Variants in ATF7 observed in about 807,000 individuals in gnomAD.
ATF7 encodes the protein activating transcription factor 7.
A neutral mutation model predicts 50.4 loss-of-function variants in ATF7; 10 were observed. The ratio of observed to expected loss-of-function variants is 0.20; its 90% confidence interval spans 0.12 to 0.34. ATF7 has a LOEUF of 0.34. Ranked by LOEUF, ATF7 falls within the 10% of genes least tolerant of loss-of-function variation. The pLI is 1.00. For missense variants in ATF7, 465 were observed against 613.9 expected (o/e 0.76, Z 2.56); for synonymous variants, 201 against 226.4 (o/e 0.89, Z 1.01).
chr12:53,541,376 G>A (rs1939542146), intron 4 of ATF7, among the ~76,000 whole-genome samples: 1 of 152,150 alleles, frequency 6.6e-6, no homozygotes, highest in East Asian at 1.9e-4. Context: ...TATGATTCCA[G>A]AAAATCAGGA....
intron 1 of ATF7, among the ~76,000 whole-genome samples, chr12:53,602,918 G>A (rs1053494804): frequency 4.6e-5 from 7 of 152,194 alleles, no homozygotes; most frequent in Non-Finnish European, 1.0e-4. Context: ...AAAACTTAGA[G>A]CATGTCTGGA....
chr12:53,625,064 TAC>T (rs1160096879), intron 1 of ATF7, among the ~76,000 whole-genome samples: 1 of 152,110 alleles, frequency 6.6e-6, no homozygotes, highest in African/African-American at 2.4e-5. Context: ...CCCTCAGAGA[TAC>T]TAAAACACCC....
intron 9 of ATF7, among the ~76,000 whole-genome samples, chr12:53,528,922 A>G (rs1288118111): frequency 6.6e-6 from 1 of 151,868 alleles, no homozygotes; most frequent in Non-Finnish European, 1.5e-5. Context: ...AAGAACGACA[A>G]GGAAAGGAAT....
At chr12:53,507,981 C>T (rs894125545), downstream of ATF7, 3 of 154,004 alleles carry the variant, frequency 1.9e-5, no homozygotes, top group African/African-American at 7.2e-5. Flanking sequence ...CAGGGCAACA[C>T]AGCCCATCCT....
Position 53,585,552 on chromosome 12 carries a change from A to T in ATF7, c.48+15401T>A, listed in dbSNP as rs536120418. 1.4e-4 allele frequency among the ~76,000 whole-genome samples: 21 copies of T among 152,338 alleles called. No individual in the cohort carries two copies. In the South Asian group the frequency reaches 4.4e-3, roughly 32 times the overall value. ...AAAAAAAAGCAAAGGAAGAGCATAA[A>T]TGAAAAAAGAAAAGACTGAAAACCA... On this transcript the variant is annotated intron_variant, in intron 2 of 11. Transcript: ENST00000420353.
At chr12:53,544,579 T>C (rs1939770679) in intron 3 of ATF7, among the ~76,000 whole-genome samples, 1 of 152,022 alleles carries the variant, frequency 6.6e-6, no homozygotes, top group African/African-American at 2.4e-5. Context: ...AAACTCCATC[T>C]CTACAAAAAA....
chr12:53,547,571 C>T (rs1940025042), intron 3 of ATF7, among the ~76,000 whole-genome samples: 1 of 151,796 alleles, frequency 6.6e-6, no homozygotes, highest in South Asian at 2.1e-4. Context: ...TAGGTGTGAG[C>T]CACCACACTT....
chr12:53,591,229 C>A (rs977635247), intron 2 of ATF7, among the ~76,000 whole-genome samples: 7 of 151,834 alleles, frequency 4.6e-5, no homozygotes, highest in African/African-American at 1.7e-4. Flanking sequence ...GAAACACTGG[C>A]GAATAATCCC....
chr12:53,520,158 C>T (rs1938025743), intron 11 of ATF7, among the ~76,000 whole-genome samples: 1 of 152,194 alleles, frequency 6.6e-6, no homozygotes, highest in South Asian at 2.1e-4. Context: ...TTCTCAGTCT[C>T]TTGTGGGTTC....
intron 1 of ATF7, among the ~76,000 whole-genome samples, chr12:53,622,881 T>C (rs886489223): frequency 6.6e-6 from 1 of 152,134 alleles, no homozygotes; most frequent in Non-Finnish European, 1.5e-5. Context: ...CTGGGAGGAC[T>C]GCTTGAGGCC....
Position 53,552,518 on chromosome 12 carries a change from G to A in ATF7, c.145+23C>T, listed in dbSNP as rs769726911. ...TAACTGCCTGGTGGTATCAAGGCAC[G>A]TGGCTTTTGGGGCAGCAAATACCTG... is the stretch of plus-strand genomic sequence containing the variant. On this transcript the variant is annotated intron_variant, in intron 3 of 11. Transcript: ENST00000420353. The A allele has an allele frequency of 2.5e-6, 4 of 1,588,740 alleles. No individual in the cohort carries two copies. The South Asian group carries it at 4.4e-5, about 18-fold the overall frequency.
intron 11 of ATF7, among the ~76,000 whole-genome samples, chr12:53,520,779 C>A (rs1301896336): frequency 6.6e-6 from 1 of 152,100 alleles, no homozygotes; most frequent in Non-Finnish European, 1.5e-5. Context: ...GTTGCTTAAG[C>A]CAGAAACTTT....
At chr12:53,619,317 G>A (rs781153908) in intron 1 of ATF7, among the ~76,000 whole-genome samples, 1 of 150,396 alleles carries the variant, frequency 6.6e-6, no homozygotes, top group Non-Finnish European at 1.5e-5. Flanking sequence ...GTGAAACCAC[G>A]TCTCTACTAA....
chr12:53,509,353 T>C (rs1448927731), downstream of ATF7, among the ~76,000 whole-genome samples: 1 of 152,108 alleles, frequency 6.6e-6, no homozygotes, highest in Non-Finnish European at 1.5e-5. Context: ...TTCGGACATA[T>C]TTATCCTTGT....
intron 2 of ATF7, among the ~76,000 whole-genome samples, chr12:53,553,297 G>A (rs1476724277): frequency 6.6e-6 from 1 of 152,122 alleles, no homozygotes; most frequent in Non-Finnish European, 1.5e-5. Context: ...CGGGCAGCCC[G>A]CCTGGGCTCC....
chr12:53,545,770 C>T (rs867995680), intron 3 of ATF7, among the ~76,000 whole-genome samples: 1 of 152,140 alleles, frequency 6.6e-6, no homozygotes, highest in Admixed American at 6.6e-5. Context: ...AGACATGGCT[C>T]TTAGGCTGGG....
chr12:53,624,329 T>C (rs1194242231), intron 1 of ATF7, among the ~76,000 whole-genome samples: 2 of 152,214 alleles, frequency 1.3e-5, no homozygotes, highest in Non-Finnish European at 2.9e-5. Context: ...AAACCAAAGG[T>C]TAATACAACT....
intron 1 of ATF7, among the ~76,000 whole-genome samples, chr12:53,620,575 C>CAAAAAA (rs34516346): frequency 4.0e-5 from 3 of 75,766 alleles, no homozygotes; most frequent in East Asian, 4.6e-4. Flanking sequence ...GACTCCGTCT[C>CAAAAAA]AAAAAAAAAA....
chr12:53,592,221 C>G (rs1440977991), intron 2 of ATF7, among the ~76,000 whole-genome samples: 1 of 152,220 alleles, frequency 6.6e-6, no homozygotes, highest in African/African-American at 2.4e-5. Context: ...CAATTGCAAA[C>G]AGTCCACATT....
Sources: allele counts gnomAD v4.1 joint callset (sites outside exome capture counted in the v4.1 genomes callset), GRCh38; gene constraint gnomAD v4.1.1; transcripts MANE v1.5; gene names NCBI Gene and HGNC (gene_info 2026-07-23, HGNC 2026-07-21).